The following TRHR variants were observed in gnomAD, a reference collection of about 807,000 sequenced individuals.
The protein encoded by TRHR is thyrotropin releasing hormone receptor.
A neutral mutation model predicts 28.0 loss-of-function variants in TRHR; 14 were observed. The ratio of observed to expected loss-of-function variants is 0.50; its 90% CI spans 0.33 to 0.78. The LOEUF is 0.78. Ranked by LOEUF, TRHR falls within the 30% of genes least tolerant of loss-of-function variation. The probability of loss-of-function intolerance (pLI) is 0.02; values close to 1 mark genes in which losing one functional copy is unlikely to be tolerated. For synonymous variants in TRHR, 176 were observed against 171.9 expected, an observed-to-expected ratio of 1.02 and a Z score of -0.18; for missense variants, 438 against 469.5, an observed-to-expected ratio of 0.93 and a Z score of 0.62.
At position 109,088,117 on chromosome 8, in the gene TRHR, T is replaced by C; in HGVS notation, c.605T>C (p.Val202Ala). ...YLMDFGVFYV[V>A]PMILATVLYG... ...ATGGACTTTGGTGTCTTTTATGTTG[T>C]GCCAATGATCCTGGCTACCGTCCTC... Residue 202 changes from valine to alanine, a missense_variant, in exon 2 of 3, where the codon GTG becomes GCG. By Grantham distance (64) the Val-to-Ala change is moderately conservative. Coordinates refer to ENST00000518632, the MANE Select transcript of TRHR (RefSeq NM_003301.7). 6.2e-7 allele frequency: 1 copy of C among 1,614,190 alleles called. No homozygotes were observed. The highest frequency in any genetic ancestry group is 8.5e-7 in the Non-Finnish European group (1 of 1,180,040).
intron 2 of TRHR, among the ~76,000 whole-genome samples, chr8:109,092,579 G>A (rs1299309399): frequency 6.6e-6 from 1 of 151,948 alleles, no homozygotes; most frequent in Non-Finnish European, 1.5e-5. Flanking sequence ...TGGGATTACA[G>A]GTGTGCGCCA....
intron 2 of TRHR, among the ~76,000 whole-genome samples, chr8:109,104,051 T>G (rs1039923541): frequency 6.6e-6 from 1 of 152,164 alleles, no homozygotes; most frequent in African/African-American, 2.4e-5. Context: ...ATTAGAAAGA[T>G]CTTGGTAGAC....
rs1347792446 is a variant in TRHR, at chr8:109,087,875, T to G, written c.363T>G (p.Ile121Met). The change falls in exon 2 of 3, where the codon ATT (isoleucine) becomes ATG (methionine). Residue 121 changes from isoleucine to methionine, a missense_variant. Ile to Met is a conservative substitution (Grantham distance 10, BLOSUM62 1). Coordinates refer to ENST00000518632, the MANE Select transcript of TRHR (RefSeq NM_003301.7). ...ASSCSITAFT[I>M]ERYIAICHPI... Reference sequence around the variant, plus strand: ...CTTGTTCAATAACAGCCTTTACCATTGAGAGGTACATAGCAATCTGTCACC... The same window carrying G: ...CTTGTTCAATAACAGCCTTTACCATGGAGAGGTACATAGCAATCTGTCACC... The G allele has an allele frequency of 6.2e-7, 1 of 1,614,182 alleles. No individual in the cohort carries two copies. Among genetic ancestry groups the G allele is most frequent in the Admixed American group, 1.7e-5 (1 of 60,016 alleles).
At chr8:109,103,246 T>C (rs1409479409) in intron 2 of TRHR, among the ~76,000 whole-genome samples, 4 of 152,176 alleles carry the variant, frequency 2.6e-5, no homozygotes, top group African/African-American at 9.6e-5. Context: ...CCTGATGACA[T>C]GTCTTATGTT....
At chr8:109,106,111 TC>T (rs1811747532) in intron 2 of TRHR, among the ~76,000 whole-genome samples, 1 of 151,950 alleles carries the variant, frequency 6.6e-6, no homozygotes, top group Non-Finnish European at 1.5e-5. Context: ...AGCTAGTGCA[TC>T]CCCTGCCTTC....
intron 2 of TRHR, among the ~76,000 whole-genome samples, chr8:109,105,514 C>T (rs1185575794): frequency 6.6e-6 from 1 of 152,118 alleles, no homozygotes; most frequent in Non-Finnish European, 1.5e-5. Context: ...ACAAATATGA[C>T]AAACATTCCT....
At chr8:109,114,967 T>C (rs911565630) in intron 2 of TRHR, among the ~76,000 whole-genome samples, 4 of 152,038 alleles carry the variant, frequency 2.6e-5, no homozygotes, top group Non-Finnish European at 5.9e-5. Flanking sequence ...ATGGATAGAT[T>C]CCTTCCCAAT....
intron 2 of TRHR, among the ~76,000 whole-genome samples, chr8:109,108,167 T>C (rs1811779241): frequency 6.6e-6 from 1 of 152,134 alleles, no homozygotes. Context: ...ATGAGGGACT[T>C]TGTCCAAGAT....
chr8:109,088,425 C>A, intron 2 of TRHR, 124 bp downstream of exon 2: 1 of 1,029,802 alleles, frequency 9.7e-7, no homozygotes. Context: ...AAATGTTTCA[C>A]AGTGTAAGCT....
Position 109,119,065 on chromosome 8 carries a change from A to G in TRHR, c.807A>G (p.Ala269=), listed in dbSNP as rs776315776. ...SSRKQVTKML[A]VVVILFALLW... ...CTCCCTAGGTCACCAAGATGCTGGC[A>G]GTGGTTGTAATTCTGTTTGCCCTTT... Residue 269 remains alanine, a synonymous_variant, in exon 3 of 3, where the codon GCA becomes GCG. Transcript: ENST00000518632. The G allele has an allele frequency of 6.2e-7, 1 of 1,612,686 alleles. No homozygotes were observed. The highest frequency in any genetic ancestry group is 1.1e-5 in the South Asian group (1 of 91,056).
At position 109,120,201 on chromosome 8, in the gene TRHR, C is replaced by T. The variant is rs143678098; in HGVS notation, c.*746C>T. 3.1e-4 allele frequency among the ~76,000 whole-genome samples: 47 copies of T among 151,876 alleles called. No homozygotes were observed. Among genetic ancestry groups the T allele is most frequent in the Middle Eastern group, 3.4e-3 (1 of 294 alleles). On this transcript the variant is annotated 3_prime_UTR_variant, in exon 3 of 3. Transcript: ENST00000518632. ...CTCCCACATGATGGGTGGAAAAAGGCAAAAGCCCAGATTAAGTAACTGTGA... is the reference window on the plus strand; with the variant it reads ...CTCCCACATGATGGGTGGAAAAAGGTAAAAGCCCAGATTAAGTAACTGTGA...
chr8:109,118,122 G>T (rs1023955124), intron 2 of TRHR, among the ~76,000 whole-genome samples: 1 of 151,786 alleles, frequency 6.6e-6, no homozygotes, highest in South Asian at 2.1e-4. Context: ...CAAAAGCTTT[G>T]AATTCAAGCT....
intron 2 of TRHR, among the ~76,000 whole-genome samples, chr8:109,112,203 A>G (rs1811844642): frequency 6.6e-6 from 1 of 152,190 alleles, no homozygotes; most frequent in Admixed American, 6.6e-5. Flanking sequence ...CCAAAGCAAG[A>G]GTATCCAGAT....
In TRHR at chr8:109,120,813, G is replaced by A. The variant is rs532819885; in HGVS notation, c.*1358G>A. ...TGAGATTTGGCCAACCAGAATCTCC[G>A]AGGGCAAAAATTGCCCTTGGTGATG... On this transcript the variant is annotated 3_prime_UTR_variant, in exon 3 of 3. Coordinates refer to ENST00000518632, the MANE Select transcript of TRHR (RefSeq NM_003301.7). Among the ~76,000 whole-genome samples the A allele has an allele frequency of 6.6e-5, 10 of 151,592 alleles. No homozygotes were observed. The South Asian group carries it at 1.0e-3, about 16-fold the overall frequency.
At position 109,121,484 on chromosome 8, in the gene TRHR, G is replaced by A. The variant is rs1257195844; in HGVS notation, c.*2029G>A. 6.6e-6 allele frequency among the ~76,000 whole-genome samples: 1 copy of A among 151,686 alleles called. No homozygotes were observed. The highest frequency in any genetic ancestry group is 1.5e-5 in the Non-Finnish European group (1 of 67,798). On this transcript the variant is annotated 3_prime_UTR_variant, in exon 3 of 3. Transcript: ENST00000518632. Reference sequence around the variant, plus strand: ...TCTTCATCACAATTTCACTACAGCTGTAATTTCTCTGATGATTAGACCAGT... The same window carrying A: ...TCTTCATCACAATTTCACTACAGCTATAATTTCTCTGATGATTAGACCAGT...
chr8:109,096,789 G>T (rs1171196425), intron 2 of TRHR, among the ~76,000 whole-genome samples: 3 of 151,486 alleles, frequency 2.0e-5, no homozygotes, highest in Non-Finnish European at 4.4e-5. Context: ...AAATATATGT[G>T]TATATATATA....
rs776362022 is a variant in TRHR, at chr8:109,088,322, A to G, written c.789+21A>G. On this transcript the variant is annotated intron_variant, in intron 2 of 2. Transcript: ENST00000518632. ...AGCAGGTAAGCAAAACTGAAACTCC[A>G]AGTCAATAGAGGAAATGTGGGATAG... 8.1e-6 allele frequency: 13 copies of G among 1,610,924 alleles called. No homozygotes were observed. In the Admixed American group the frequency reaches 1.8e-4, roughly 23 times the overall value.
intron 2 of TRHR, among the ~76,000 whole-genome samples, chr8:109,104,263 A>T (rs1157196860): frequency 6.6e-6 from 1 of 152,178 alleles, no homozygotes; most frequent in Non-Finnish European, 1.5e-5. Flanking sequence ...GTTGCTTAGT[A>T]ACACTGAGCA....
Position 109,087,858 on chromosome 8 carries a change from A to G in TRHR, c.346A>G (p.Ile116Val). The G allele has an allele frequency of 6.2e-7, 1 of 1,614,152 alleles. No individual in the cohort carries two copies. Among genetic ancestry groups the G allele is most frequent in the Non-Finnish European group, 8.5e-7 (1 of 1,180,036 alleles). ...GGGAATTAATGCATCCTCTTGTTCA[A>G]TAACAGCCTTTACCATTGAGAGGTA... ...YLGINASSCS[I>V]TAFTIERYIA... is the part of the protein sequence containing the mutation. The change falls in exon 2 of 3, where the codon ATA (isoleucine) becomes GTA (valine). Residue 116 changes from isoleucine (I) to valine (V), a missense_variant. By Grantham distance (29) the Ile-to-Val change is conservative (BLOSUM62 3). Coordinates refer to ENST00000518632, the MANE Select transcript of TRHR (RefSeq NM_003301.7).
Sources: allele counts gnomAD v4.1 joint callset (sites outside exome capture counted in the v4.1 genomes callset), GRCh38; gene constraint gnomAD v4.1.1; transcripts MANE v1.5; gene names NCBI Gene and HGNC (gene_info 2026-07-23, HGNC 2026-07-21).